Variants in POLR1E observed in about 807,000 individuals in gnomAD.
POLR1E encodes DNA-directed RNA polymerase I subunit RPA49.
POLR1E carries 37 observed loss-of-function variants against 50.9 expected under a neutral mutation model. The observed-to-expected ratio is 0.73, with a 90% CI of 0.56 to 0.96. POLR1E has a LOEUF of 0.96. Among genes scored for constraint, POLR1E ranks in the 40% least tolerant of loss-of-function variants. The pLI, the probability that POLR1E is intolerant of heterozygous loss-of-function variation, is 0.00. For missense variants in POLR1E, 426 were observed against 518.1 expected (o/e 0.82, Z 1.73); for synonymous variants, 166 against 191.6 (o/e 0.87, Z 1.10).
Position 37,498,584 on chromosome 9 carries a change from C to CGT in POLR1E, c.886+371_886+372dup, listed in dbSNP as rs111329707. On this transcript the variant is annotated intron_variant, in intron 9 of 11. Coordinates refer to ENST00000377798, the MANE Select transcript of POLR1E (RefSeq NM_022490.4). Reference sequence around the variant, plus strand: ...AGAACAAACATCAGCCACGTGTGTGCGTGTGTGTGTGTATATATAGAGAGA... The same window carrying CGT: ...AGAACAAACATCAGCCACGTGTGTGCGTGTGTGTGTGTGTATATATAGAGAGA... Among the ~76,000 whole-genome samples the CGT allele has an allele frequency of 5.9e-3, 899 of 151,902 alleles. 10 individuals are homozygous for CGT. The highest frequency in any genetic ancestry group is 0.031 in the Middle Eastern group (9 of 292).
intron 9 of POLR1E, among the ~76,000 whole-genome samples, chr9:37,499,771 C>T (rs999173048): frequency 6.6e-6 from 1 of 151,080 alleles, no homozygotes; most frequent in Admixed American, 6.6e-5. Flanking sequence ...TCAGGTGATC[C>T]ACCCTCCTTG....
At chr9:37,496,068 G>C in intron 8 of POLR1E, 82 bp downstream of exon 8, 1 of 982,520 alleles carries the variant, frequency 1.0e-6, no homozygotes, top group East Asian at 2.4e-5. Flanking sequence ...GGTCCTCTGG[G>C]CGTCAGTCAG....
intron 11 of POLR1E, 81 bp from the exon 12 acceptor site, chr9:37,502,962 T>C: frequency 1.4e-6 from 2 of 1,382,896 alleles, no homozygotes; most frequent in Non-Finnish European, 2.0e-6. Flanking sequence ...GGAGCATGAA[T>C]GTGCTGCTAC....
Position 37,492,722 on chromosome 9 carries a change from GT to G in POLR1E, c.402+8del. The G allele has an allele frequency of 6.2e-7, 1 of 1,613,324 alleles. No individual in the cohort carries two copies. The highest frequency in any genetic ancestry group is 8.5e-7 in the Non-Finnish European group (1 of 1,179,384). ...CAAAACTTACAGAGAAAAGGTGAGTGTGATAGAATTAAGATGTGGGACCTTA... is the reference window on the plus strand; with the variant it reads ...CAAAACTTACAGAGAAAAGGTGAGTGGATAGAATTAAGATGTGGGACCTTA... On this transcript the variant is annotated splice_region_variant and intron_variant, in intron 5 of 11. Transcript: ENST00000377798.
rs751161238 is a variant in POLR1E, at chr9:37,486,805, T to C, written c.179T>C (p.Leu60Pro). The C allele has an allele frequency of 6.2e-7, 1 of 1,607,626 alleles. No homozygotes were observed. Among genetic ancestry groups the C allele is most frequent in the Non-Finnish European group, 8.5e-7 (1 of 1,177,852 alleles). Residue 60 changes from leucine to proline, a missense_variant and splice_region_variant, in exon 2 of 12, where the codon CTG (leucine) becomes CCG (proline). Physicochemically the swap from Leu to Pro is moderately conservative, Grantham distance 98. Coordinates refer to ENST00000377798, the MANE Select transcript of POLR1E (RefSeq NM_022490.4). ...TNPRKRNQRI[L>P]AAETDRLSYV... ...CCCAGGAAGAGGAATCAACGGATCC[T>C]GGTAAGTGAAGCAGTTGCCAGCTGT... is the stretch of plus-strand genomic sequence containing the variant.
chr9:37,502,908 C>T, intron 11 of POLR1E, 135 bp from the exon 12 acceptor site: 1 of 932,122 alleles, frequency 1.1e-6, no homozygotes. Context: ...CTGCCAGGGG[C>T]TTTGTGCCTG....
At chr9:37,488,888 A>G (rs537949905) in intron 3 of POLR1E, among the ~76,000 whole-genome samples, 3 of 151,788 alleles carry the variant, frequency 2.0e-5, no homozygotes, top group East Asian at 3.9e-4. Context: ...ATTGTTACCC[A>G]TGAGTAGATG....
At chr9:37,499,398 C>CA (rs1167765110) in intron 9 of POLR1E, among the ~76,000 whole-genome samples, 1 of 152,146 alleles carries the variant, frequency 6.6e-6, no homozygotes, top group Non-Finnish European at 1.5e-5. Context: ...GCCTCGGTGA[C>CA]AGCAAGACCC....
At chr9:37,486,831 C>T (rs1820587213) in intron 2 of POLR1E, 25 bp downstream of exon 2, 4 of 1,590,872 alleles carry the variant, frequency 2.5e-6, no homozygotes, top group South Asian at 2.3e-5. Context: ...TGCCAGCTGT[C>T]TCCACTCTGC....
At chr9:37,495,321 G>C (rs1588803046) in intron 7 of POLR1E, 45 bp downstream of exon 7, 1 of 1,492,510 alleles carries the variant, frequency 6.7e-7, no homozygotes, top group East Asian at 2.3e-5. Context: ...CACAAGTTGA[G>C]ATGTTTGCAC....
chr9:37,498,600 T>C (rs1396978303), intron 9 of POLR1E, among the ~76,000 whole-genome samples: 1 of 152,230 alleles, frequency 6.6e-6, no homozygotes, highest in Non-Finnish European at 1.5e-5. Context: ...TGTGTGTATA[T>C]ATAGAGAGAG....
In POLR1E at chr9:37,503,451, G is replaced by T. The variant is rs116012585; in HGVS notation, c.*249G>T. ...AAAAGAGTCAGGCCTGGTGGTGTGCGCCTGTAATCCCAGCTACTCGGGAGG... is the reference window on the plus strand; with the variant it reads ...AAAAGAGTCAGGCCTGGTGGTGTGCTCCTGTAATCCCAGCTACTCGGGAGG... On this transcript the variant is annotated 3_prime_UTR_variant, in exon 12 of 12. Transcript: ENST00000377798. 6.3e-6 allele frequency: 2 copies of T among 317,380 alleles called. No individual in the cohort carries two copies. Among genetic ancestry groups the T allele is most frequent in the Non-Finnish European group, 1.1e-5 (2 of 176,140 alleles). 19.7% of individuals were successfully genotyped at this position (317,380 alleles called of 1,614,324 possible).
intron 4 of POLR1E, 22 bp from the exon 5 acceptor site, chr9:37,492,635 C>G (rs1280838170): frequency 5.0e-6 from 8 of 1,612,050 alleles, no homozygotes; most frequent in South Asian, 1.1e-5. Flanking sequence ...TTCTTTCTCT[C>G]TGTTTTTGTG....
intron 10 of POLR1E, 21 bp from the exon 11 acceptor site, chr9:37,501,692 T>C: frequency 6.2e-7 from 1 of 1,605,692 alleles, no homozygotes; most frequent in Non-Finnish European, 8.5e-7. Context: ...TGTTTCTCCT[T>C]TATTGCCACT....
Position 37,501,780 on chromosome 9 carries a change from C to T in POLR1E, c.1036C>T (p.His346Tyr). 1 of 1,613,966 alleles carries T rather than the reference C, an allele frequency of 6.2e-7. No individual in the cohort carries two copies. The highest frequency in any genetic ancestry group is 8.5e-7 in the Non-Finnish European group (1 of 1,179,902). Reference protein sequence around the residue: ...ITAYVIILALHIHDFQIDLTV... With the variant: ...ITAYVIILALYIHDFQIDLTV... ...TGCATATGTGATCATACTTGCCTTG[C>T]ACATACATGACTTCCAAATTGACCT... The change falls in exon 11 of 12, where the codon CAC becomes TAC. Residue 346 changes from histidine to tyrosine, a missense_variant. His to Tyr is a moderately conservative substitution (Grantham distance 83). Transcript: ENST00000377798.
intron 9 of POLR1E, among the ~76,000 whole-genome samples, chr9:37,498,584 C>T (rs10973376): frequency 0.21 from 32,623 of 151,866 alleles, 3,621 homozygotes; most frequent in Admixed American, 0.26. Flanking sequence ...CACGTGTGTG[C>T]GTGTGTGTGT....
intron 3 of POLR1E, among the ~76,000 whole-genome samples, chr9:37,488,149 C>T (rs1426040088): frequency 6.6e-6 from 1 of 152,208 alleles, no homozygotes; most frequent in African/African-American, 2.4e-5. Context: ...TCCTAAAAAC[C>T]TCATTCATTT....
chr9:37,492,493 C>A, intron 4 of POLR1E, 164 bp from the exon 5 acceptor site: 1 of 829,638 alleles, frequency 1.2e-6, no homozygotes, highest in South Asian at 1.6e-5. Context: ...TATACTAAAG[C>A]TGCATATTAA....
chr9:37,492,812 C>A, intron 5 of POLR1E, 97 bp downstream of exon 5: 2 of 1,061,416 alleles, frequency 1.9e-6, no homozygotes, highest in Non-Finnish European at 2.9e-6. Context: ...ACTCAAGGGT[C>A]TCCCTGGCTG....
Sources: allele counts gnomAD v4.1 joint callset (sites outside exome capture counted in the v4.1 genomes callset), GRCh38; gene constraint gnomAD v4.1.1; transcripts MANE v1.5; gene names NCBI Gene and HGNC (gene_info 2026-07-23, HGNC 2026-07-21).